Variants in MACROH2A1 observed in about 807,000 individuals in gnomAD.
MACROH2A1 encodes core histone macro-H2A.1.
In MACROH2A1, 2 loss-of-function variants were observed where a neutral mutation model predicts 31.6. The ratio of observed to expected loss-of-function variants is 0.06; its 90% CI spans 0.03 to 0.20. MACROH2A1 has a LOEUF of 0.20. Ranked by LOEUF, MACROH2A1 falls within the 10% of genes least tolerant of loss-of-function variation. The probability of loss-of-function intolerance (pLI) is 1.00; values close to 1 mark genes in which losing one functional copy is unlikely to be tolerated. For synonymous variants in MACROH2A1, 169 were observed against 189.6 expected (o/e 0.89, Z 0.89); for missense variants, 230 against 474.0 (o/e 0.49, Z 4.78).
At chr5:135,396,546 G>C (rs1422944295) in intron 1 of MACROH2A1, among the ~76,000 whole-genome samples, 1 of 151,984 alleles carries the variant, frequency 6.6e-6, no homozygotes, top group Non-Finnish European at 1.5e-5. Context: ...TGCACACATG[G>C]GGTTCCCCAG....
chr5:135,354,531 C>T (rs1761945964), intron 5 of MACROH2A1: 1 of 157,520 alleles, frequency 6.3e-6, no homozygotes, highest in African/African-American at 2.4e-5. Flanking sequence ...GCTCCTCGCA[C>T]TATAGAGTGA....
chr5:135,397,977 T>G, intron 1 of MACROH2A1, among the ~76,000 whole-genome samples: 1 of 152,068 alleles, frequency 6.6e-6, no homozygotes, highest in Non-Finnish European at 1.5e-5. Flanking sequence ...CTAGCAGGAG[T>G]GCCCCCTCTA....
chr5:135,359,896 C>G, intron 5 of MACROH2A1: 1 of 985,312 alleles, frequency 1.0e-6, no homozygotes, highest in Non-Finnish European at 1.2e-6. Flanking sequence ...AGTGAATTGT[C>G]TTTTACAAAA....
Position 135,380,102 on chromosome 5 carries a change from C to T in MACROH2A1, c.172+8820G>A, listed in dbSNP as rs372029962. Among the ~76,000 whole-genome samples, 113 of 152,266 alleles carry T rather than the reference C, an allele frequency of 7.4e-4. 1 individual carries two copies. The East Asian group carries it at 0.017, about 23-fold the overall frequency. The stretch of plus-strand genomic sequence containing the variant: ...ATCCTCATCAATTTCCTGGTAGTAT[C>T]TGACATTACCAATACTCCCTCCCCC... On this transcript the variant is annotated intron_variant, in intron 2 of 8. Transcript: ENST00000511689.
chr5:135,386,005 G>T (rs898977041), intron 2 of MACROH2A1, among the ~76,000 whole-genome samples: 1 of 152,174 alleles, frequency 6.6e-6, no homozygotes, highest in African/African-American at 2.4e-5. Context: ...AAAGTGAAGA[G>T]GAGAGCAGAA....
intron 1 of MACROH2A1, 168 bp from the exon 2 acceptor site, chr5:135,389,294 T>A (rs1030731883): frequency 1.6e-5 from 7 of 432,414 alleles, no homozygotes; most frequent in Non-Finnish European, 2.9e-5. Context: ...AGCAGTTTGA[T>A]CCCTGAAAAG....
intron 2 of MACROH2A1, among the ~76,000 whole-genome samples, chr5:135,383,702 T>TTG (rs1440211857): frequency 2.7e-5 from 2 of 73,350 alleles, no homozygotes; most frequent in Non-Finnish European, 5.0e-5. Flanking sequence ...TGTGGTGTGG[T>TTG]GTGTGTGTGT....
At chr5:135,353,129 G>A in intron 5 of MACROH2A1, 84 bp from the exon 6 acceptor site, 1 of 854,906 alleles carries the variant, frequency 1.2e-6, no homozygotes, top group East Asian at 2.4e-5. Context: ...GTAAAGGACA[G>A]TGGACACTCC....
At chr5:135,338,018 C>A in intron 8 of MACROH2A1, 1 of 1,167,282 alleles carries the variant, frequency 8.6e-7, no homozygotes, top group South Asian at 1.7e-5. Flanking sequence ...GCGGAGGTAA[C>A]GGCTTTCCTA....
At chr5:135,383,535 T>C in intron 2 of MACROH2A1, among the ~76,000 whole-genome samples, 1 of 152,184 alleles carries the variant, frequency 6.6e-6, no homozygotes, top group Non-Finnish European at 1.5e-5. Flanking sequence ...CCACTGGAGT[T>C]TCAACTTCAG....
At chr5:135,338,031 G>C (rs956995306) in intron 8 of MACROH2A1, 1 of 1,147,486 alleles carries the variant, frequency 8.7e-7, no homozygotes, top group African/African-American at 1.6e-5. Flanking sequence ...CTTTCCTAAC[G>C]TTTTCTGGTG....
At chr5:135,378,048 T>C (rs1285832895) in intron 2 of MACROH2A1, among the ~76,000 whole-genome samples, 2 of 152,112 alleles carry the variant, frequency 1.3e-5, no homozygotes, top group Non-Finnish European at 2.9e-5. Context: ...TGTCTAAGGA[T>C]TTGCCTAAGC....
intron 1 of MACROH2A1, among the ~76,000 whole-genome samples, chr5:135,391,072 C>T (rs1377646967): frequency 6.6e-6 from 1 of 152,194 alleles, no homozygotes; most frequent in Non-Finnish European, 1.5e-5. Context: ...GGATCCCTTC[C>T]TTGCTGCAAT....
Position 135,334,955 on chromosome 5 carries a change from C to T in MACROH2A1, c.*21G>A. 2 of 1,605,332 alleles carry T rather than the reference C, an allele frequency of 1.2e-6. No homozygotes were observed. Among genetic ancestry groups the T allele is most frequent in the Non-Finnish European group, 1.7e-6 (2 of 1,172,962 alleles). ...ACTGAAGGTGGGGTACATGGTGCAGCTGGTTCTGTCATTGCTCAGCCTAGT... is the reference window on the plus strand; with the variant it reads ...ACTGAAGGTGGGGTACATGGTGCAGTTGGTTCTGTCATTGCTCAGCCTAGT... On this transcript the variant is annotated 3_prime_UTR_variant, in exon 9 of 9. Transcript: ENST00000511689.
intron 5 of MACROH2A1, chr5:135,359,434 C>T (rs1248627289): frequency 1.0e-6 from 1 of 984,696 alleles, no homozygotes; most frequent in Non-Finnish European, 1.2e-6. Context: ...AAGATGACAA[C>T]TAGTGCTACT....
intron 1 of MACROH2A1, among the ~76,000 whole-genome samples, chr5:135,394,928 TG>T (rs1322605992): frequency 6.6e-6 from 1 of 152,180 alleles, no homozygotes; most frequent in Non-Finnish European, 1.5e-5. Flanking sequence ...CCCACAGGAC[TG>T]GGAGCTATGG....
chr5:135,372,435 T>C (rs1168587448), intron 2 of MACROH2A1, among the ~76,000 whole-genome samples: 1 of 152,216 alleles, frequency 6.6e-6, no homozygotes, highest in African/African-American at 2.4e-5. Flanking sequence ...ACAGTTTAGT[T>C]TACCAGTGGA....
intron 2 of MACROH2A1, among the ~76,000 whole-genome samples, chr5:135,375,447 C>T (rs1445717556): frequency 6.6e-6 from 1 of 152,214 alleles, no homozygotes; most frequent in Non-Finnish European, 1.5e-5. Context: ...CACCCAGAGA[C>T]GAAAGGCTTA....
intron 6 of MACROH2A1, 133 bp from the exon 7 acceptor site, chr5:135,346,190 C>T (rs1019892408): frequency 2.2e-5 from 15 of 671,744 alleles, no homozygotes; most frequent in Non-Finnish European, 4.1e-5. Context: ...GGAACTAAGC[C>T]TTGGCTAAGT....
Sources: gnomAD v4.1 joint callset for allele counts (sites outside exome capture counted in the v4.1 genomes callset) on GRCh38, gnomAD v4.1.1 for gene constraint, MANE v1.5 for transcripts, NCBI Gene and HGNC (gene_info 2026-07-23, HGNC 2026-07-21) for gene names.